Variants in GNPTG observed in about 807,000 individuals in gnomAD.
GNPTG encodes N-acetylglucosamine-1-phosphate transferase subunit gamma, also known as N-acetylglucosamine-1-phosphotransferase subunit gamma.
Under a neutral mutation model 43.8 loss-of-function variants are expected in GNPTG, and 46 were observed. The ratio of observed to expected loss-of-function variants is 1.05; its 90% confidence interval spans 0.83 to 1.34. The LOEUF (loss-of-function observed/expected upper bound fraction) is 1.34, where lower values mean the gene tolerates loss of function less well. Ranked by LOEUF, GNPTG falls within the 40% of genes most tolerant of loss-of-function variation. GNPTG has a pLI of 0.00. For missense variants in GNPTG, 549 were observed against 411.3 expected, an observed-to-expected ratio of 1.33 and a Z score of -2.90; for synonymous variants, 250 against 172.8, an observed-to-expected ratio of 1.45 and a Z score of -3.50.
Position 1,363,501 on chromosome 16 carries a change from A to G in GNPTG, c.*410A>G, listed in dbSNP as rs1427221647. ...GTTACACACGTCGTGACACCACTGT[A>G]TCACGGCGAATGTCGAACACTAGAG... On this transcript the variant is annotated 3_prime_UTR_variant, in exon 11 of 11. Transcript: ENST00000204679. The G allele has an allele frequency of 1.4e-5, 4 of 288,996 alleles. No individual in the cohort carries two copies. The highest frequency in any genetic ancestry group is 3.0e-5 in the South Asian group (1 of 33,064). The allele number at this position is 288,996 out of a possible 1,614,324, so 17.9% of individuals were successfully genotyped here. A position where few individuals can be genotyped will look rare whatever the true frequency, so the allele number is the denominator to read the frequency against.
rs1462380629 is a variant in GNPTG, at chr16:1,362,056, G to T, written c.336G>T (p.Glu112Asp). 73 of 1,612,542 alleles carry T rather than the reference G, an allele frequency of 4.5e-5. No homozygotes were observed. Among genetic ancestry groups the T allele is most frequent in the Non-Finnish European group, 6.1e-5 (72 of 1,179,666 alleles). The change falls in exon 6 of 11, where the codon GAG (glutamate) becomes GAT (aspartate). Residue 112 changes from glutamate (E) to aspartate (D), a missense_variant. Coordinates refer to ENST00000204679, the MANE Select transcript of GNPTG (RefSeq NM_032520.5). Reference sequence around the variant, plus strand: ...TCCCCAGCATCTGGCACGAGTGGGAGATCGCCAACAACACCTTCACGGGCA... The same window carrying T: ...TCCCCAGCATCTGGCACGAGTGGGATATCGCCAACAACACCTTCACGGGCA... ...SGILGIWHEW[E>D]IANNTFTGMW...
intron 3 of GNPTG, among the ~76,000 whole-genome samples, chr16:1,357,483 T>TTTACTATTA (rs1555451180): frequency 6.6e-6 from 1 of 150,494 alleles, no homozygotes; most frequent in Non-Finnish European, 1.5e-5. Context: ...GTATTTCGAC[T>TTTACTATTA]TTATTATTAT....
chr16:1,363,094 T>G lies in GNPTG; in HGVS notation c.*3T>G, dbSNP rs570294976. 2 of 1,613,464 alleles carry G rather than the reference T, an allele frequency of 1.2e-6. No homozygotes were observed. The highest frequency in any genetic ancestry group is 1.1e-5 in the South Asian group (1 of 91,024). On this transcript the variant is annotated 3_prime_UTR_variant, in exon 11 of 11. Coordinates refer to ENST00000204679, the MANE Select transcript of GNPTG (RefSeq NM_032520.5). ...CAGGACTGCGTGGGAGTTTGTGACC[T>G]TGTGGTGGGAGAGCAGAGGTGGACG...
chr16:1,362,951 C>A (rs747089738), intron 10 of GNPTG, 45 bp downstream of exon 10: 9 of 1,612,798 alleles, frequency 5.6e-6, no homozygotes, highest in Non-Finnish European at 7.6e-6. Flanking sequence ...ATCACACTCG[C>A]CACCTGTGGG....
chr16:1,360,030 ACC>A (rs2034842411), intron 3 of GNPTG, among the ~76,000 whole-genome samples: 1 of 151,798 alleles, frequency 6.6e-6, no homozygotes, highest in African/African-American at 2.4e-5. Flanking sequence ...AATCGGTTGA[ACC>A]CAGTGGTGGA....
At chr16:1,353,599 C>T (rs1282382928) in intron 3 of GNPTG, among the ~76,000 whole-genome samples, 3 of 152,150 alleles carry the variant, frequency 2.0e-5, no homozygotes, top group Non-Finnish European at 4.4e-5. Flanking sequence ...TCATAGCTCA[C>T]TGCATCCTTG....
chr16:1,363,634 A>G lies in GNPTG; in HGVS notation c.*543A>G, dbSNP rs2035012394. ...GAGCTGCTGGGCGCGCCTCCACCTC[A>G]GCCTCCACGGGGCACCTTCCAGCCA... On this transcript the variant is annotated 3_prime_UTR_variant, in exon 11 of 11. Transcript: ENST00000204679. The G allele has an allele frequency of 1.0e-5, 2 of 195,628 alleles. No individual in the cohort carries two copies. The highest frequency in any genetic ancestry group is 2.4e-3 in the Middle Eastern group (1 of 420). The allele number at this position is 195,628 out of a possible 1,614,324, so 12.1% of individuals were successfully genotyped here. A position where few individuals can be genotyped will look rare whatever the true frequency, so the allele number is the denominator to read the frequency against.
At chr16:1,354,600 A>AC (rs2034741219) in intron 3 of GNPTG, among the ~76,000 whole-genome samples, 9 of 150,632 alleles carry the variant, frequency 6.0e-5, no homozygotes, top group African/African-American at 2.2e-4. Flanking sequence ...AAAAAAAAAA[A>AC]AAAAAAAAAC....
chr16:1,360,126 A>G (rs1213192250), intron 3 of GNPTG, among the ~76,000 whole-genome samples: 3 of 151,538 alleles, frequency 2.0e-5, no homozygotes, highest in African/African-American at 4.9e-5. Context: ...AAAGTGGCGT[A>G]TGGATGTCTC....
In GNPTG at chr16:1,352,191, G is replaced by T. The variant is rs753083772; in HGVS notation, c.110+32G>T. The T allele has an allele frequency of 2.6e-5, 41 of 1,555,910 alleles. No individual in the cohort carries two copies. The South Asian group carries it at 4.7e-4, about 18-fold the overall frequency. On this transcript the variant is annotated intron_variant, in intron 2 of 10. Transcript: ENST00000204679. ...AGCCTCGCGGGCTGGCGGCTCGAGC[G>T]GGGGACGGCCCGGGCCCGTTCCCCG...
Position 1,361,744 on chromosome 16 carries a change from AC to A in GNPTG, c.183del (p.Val62CysfsTer28), listed in dbSNP as rs1291377834. The A allele has an allele frequency of 6.2e-7, 1 of 1,613,634 alleles. No homozygotes were observed. The highest frequency in any genetic ancestry group is 1.3e-5 in the African/African-American group (1 of 74,810). On this transcript the variant is annotated frameshift_variant and splice_region_variant, in exon 4 of 11. Transcript: ENST00000204679. LOFTEE classifies it high-confidence loss of function. ...GGATCAGTGTGAGGTCTCTTCCAGG[AC>A]CCGTGCATCTCTTCCGACTCTCGGG... ...AKRDPSPVSG[P>X]VHLFRLSGKC... is the part of the protein sequence containing the mutation.
At chr16:1,359,251 C>CT (rs1476721158) in intron 3 of GNPTG, among the ~76,000 whole-genome samples, 1 of 152,044 alleles carries the variant, frequency 6.6e-6, no homozygotes, top group Non-Finnish European at 1.5e-5. Context: ...TGTGGGTTGT[C>CT]TTTTCACTCC....
chr16:1,351,941 A>C lies in GNPTG; in HGVS notation c.-25A>C. The stretch of plus-strand genomic sequence containing the variant: ...GGTCACGTGACCGTCACTTCACGTG[A>C]CCGCGCGGCGGCCGCTGCGGCGCGA... On this transcript the variant is annotated 5_prime_UTR_variant, in exon 1 of 11. Transcript: ENST00000204679. 7.8e-7 allele frequency: 1 copy of C among 1,276,814 alleles called. No homozygotes were observed. Among genetic ancestry groups the C allele is most frequent in the Non-Finnish European group, 9.8e-7 (1 of 1,018,600 alleles). The allele number at this position is 1,276,814 out of a possible 1,614,324, so 79.1% of individuals were successfully genotyped here.
At chr16:1,354,310 C>T (rs1465824267) in intron 3 of GNPTG, among the ~76,000 whole-genome samples, 2 of 152,016 alleles carry the variant, frequency 1.3e-5, no homozygotes, top group Non-Finnish European at 2.9e-5. Flanking sequence ...ATATGCTGGT[C>T]GTGGTGGTGC....
At chr16:1,356,309 G>A (rs1319820391) in intron 3 of GNPTG, among the ~76,000 whole-genome samples, 9 of 152,204 alleles carry the variant, frequency 5.9e-5, no homozygotes, top group Admixed American at 5.9e-4. Flanking sequence ...CACGGAGCCT[G>A]CAGGGGACGT....
rs1439642279 is a variant in GNPTG, at chr16:1,363,288, T to TA, written c.*204dup. 8 of 601,036 alleles carry TA rather than the reference T, an allele frequency of 1.3e-5. No individual in the cohort carries two copies. Among genetic ancestry groups the TA allele is most frequent in the East Asian group, 1.2e-4 (4 of 34,478 alleles). The allele number at this position is 601,036 out of a possible 1,614,324, so 37.2% of individuals were successfully genotyped here. A position where few individuals can be genotyped will look rare whatever the true frequency, so the allele number is the denominator to read the frequency against. Reference sequence around the variant, plus strand: ...AAACCATTGCATAAATGCTATAGTGTAAAAAAATTTAAACAAGTGTTAACT... The same window carrying TA: ...AAACCATTGCATAAATGCTATAGTGTAAAAAAAATTTAAACAAGTGTTAACT... On this transcript the variant is annotated 3_prime_UTR_variant, in exon 11 of 11. Transcript: ENST00000204679.
chr16:1,354,984 T>G (rs1182798343), intron 3 of GNPTG, among the ~76,000 whole-genome samples: 2 of 151,792 alleles, frequency 1.3e-5, no homozygotes, highest in Non-Finnish European at 2.9e-5. Flanking sequence ...GGGTGGGGCC[T>G]GGATACTCCC....
At chr16:1,362,783 C>T (rs1054675795) in intron 9 of GNPTG, 41 bp downstream of exon 9, 7 of 1,613,966 alleles carry the variant, frequency 4.3e-6, no homozygotes, top group Admixed American at 1.7e-5. Flanking sequence ...AGTAGCCCTC[C>T]AGCACCTGGG....
intron 3 of GNPTG, among the ~76,000 whole-genome samples, chr16:1,357,365 T>A (rs2034796336): frequency 6.6e-6 from 1 of 152,148 alleles, no homozygotes; most frequent in Non-Finnish European, 1.5e-5. Context: ...TCAGTGGCAT[T>A]AGCCTCTGCC....
Sources: allele counts gnomAD v4.1 joint callset (sites outside exome capture counted in the v4.1 genomes callset), GRCh38; gene constraint gnomAD v4.1.1; transcripts MANE v1.5; gene names NCBI Gene and HGNC (gene_info 2026-07-23, HGNC 2026-07-21).